PRDM16: variants seen among roughly 807,000 people sequenced by gnomAD.
The protein encoded by PRDM16 is PR/SET domain 16.
In PRDM16, 23 loss-of-function variants were observed where a neutral mutation model predicts 110.6. The ratio of observed to expected loss-of-function variants is 0.21; its 90% confidence interval spans 0.15 to 0.29. The LOEUF is 0.29. Among genes scored for constraint, PRDM16 ranks in the 10% least tolerant of loss-of-function variants. PRDM16 has a pLI of 1.00. For synonymous variants in PRDM16, 799 were observed against 781.8 expected (o/e 1.02, Z -0.37); for missense variants, 1,615 against 1,794.3 (o/e 0.90, Z 1.81).
At chr1:3,160,057 T>G (rs1462224996) in intron 1 of PRDM16, among the ~76,000 whole-genome samples, 4 of 152,234 alleles carry the variant, frequency 2.6e-5, no homozygotes, top group Non-Finnish European at 5.9e-5. Flanking sequence ...TGGGCTGAGA[T>G]TCACACACTC....
At chr1:3,114,479 GACAC>G (rs754535558) in intron 1 of PRDM16, among the ~76,000 whole-genome samples, 2 of 133,476 alleles carry the variant, frequency 1.5e-5, no homozygotes, top group African/African-American at 3.0e-5. Context: ...AGTGTAAACA[GACAC>G]GCACGCACGC....
chr1:3,365,122 C>T (rs2100566373), intron 3 of PRDM16, among the ~76,000 whole-genome samples: 1 of 152,330 alleles, frequency 6.6e-6, no homozygotes, highest in African/African-American at 2.4e-5. Context: ...CTGTGGGTTC[C>T]TTTTGGGTCT....
intron 3 of PRDM16, among the ~76,000 whole-genome samples, chr1:3,335,453 C>T (rs1332624233): frequency 1.3e-5 from 2 of 152,182 alleles, no homozygotes; most frequent in East Asian, 3.9e-4. Context: ...CGCGTTAGCA[C>T]GTCGCATGTC....
intron 3 of PRDM16, among the ~76,000 whole-genome samples, chr1:3,270,159 CGGG>C: frequency 7.3e-6 from 1 of 137,908 alleles, no homozygotes; most frequent in South Asian, 2.4e-4. Flanking sequence ...GGAGGACAGT[CGGG>C]AGAATAGTCC....
intron 1 of PRDM16, among the ~76,000 whole-genome samples, chr1:3,118,164 G>T (rs997865734): frequency 6.6e-6 from 1 of 151,874 alleles, no homozygotes; most frequent in African/African-American, 2.4e-5. Flanking sequence ...CTCATGCTGT[G>T]TGTGTTTGGA....
intron 8 of PRDM16, 70 bp from the exon 9 acceptor site, chr1:3,411,314 A>C: frequency 6.6e-7 from 1 of 1,512,748 alleles, no homozygotes. Flanking sequence ...CAGTAATTTC[A>C]TGTGGCGTTT....
chr1:3,212,376 G>A (rs1292641072), intron 2 of PRDM16, among the ~76,000 whole-genome samples: 1 of 152,118 alleles, frequency 6.6e-6, no homozygotes, highest in African/African-American at 2.4e-5. Flanking sequence ...CTGAGTGGGC[G>A]GTGGGGGCAG....
intron 1 of PRDM16, among the ~76,000 whole-genome samples, chr1:3,181,332 A>ACGGTCTT (rs1644173116): frequency 7.5e-6 from 1 of 132,690 alleles, no homozygotes; most frequent in Non-Finnish European, 1.6e-5. Flanking sequence ...AATCTTACAC[A>ACGGTCTT]AGCAGTCTTA....
intron 1 of PRDM16, among the ~76,000 whole-genome samples, chr1:3,164,371 C>G (rs1643925942): frequency 6.6e-6 from 1 of 152,214 alleles, no homozygotes; most frequent in Admixed American, 6.5e-5. Context: ...GGATGTCAGC[C>G]GTGACGTTGG....
intron 2 of PRDM16, among the ~76,000 whole-genome samples, chr1:3,204,893 C>G (rs545672072): frequency 3.9e-5 from 6 of 152,098 alleles, no homozygotes; most frequent in Admixed American, 3.3e-4. Context: ...GTGGGACCCC[C>G]GTTGGGGGGG....
chr1:3,182,129 C>A (rs1253700629), intron 1 of PRDM16, among the ~76,000 whole-genome samples: 1 of 152,260 alleles, frequency 6.6e-6, no homozygotes, highest in Non-Finnish European at 1.5e-5. Context: ...CCCAGTGGGG[C>A]CTGCAGGCCT....
intron 2 of PRDM16, among the ~76,000 whole-genome samples, chr1:3,229,895 C>G (rs1037793315): frequency 1.3e-5 from 2 of 152,196 alleles, no homozygotes; most frequent in African/African-American, 4.8e-5. Context: ...GGTCTCTGCC[C>G]TTGTTTCAGT....
At chr1:3,073,270 G>A (rs568089579) in intron 1 of PRDM16, among the ~76,000 whole-genome samples, 5 of 152,348 alleles carry the variant, frequency 3.3e-5, no homozygotes, top group African/African-American at 9.6e-5. Flanking sequence ...TCGCTGGGCC[G>A]CTGTGGGCCC....
intron 8 of PRDM16, among the ~76,000 whole-genome samples, chr1:3,406,072 A>C (rs1643556890): frequency 1.3e-5 from 2 of 152,198 alleles, no homozygotes; most frequent in African/African-American, 4.8e-5. Flanking sequence ...GCAGACACCC[A>C]CTGGGATTGT....
chr1:3,338,055 TCA>T (rs1257416868), intron 3 of PRDM16, among the ~76,000 whole-genome samples: 3 of 152,094 alleles, frequency 2.0e-5, no homozygotes, highest in South Asian at 2.1e-4. Flanking sequence ...GCACACACAT[TCA>T]CACAGACACG....
intron 3 of PRDM16, among the ~76,000 whole-genome samples, chr1:3,365,153 G>A (rs1319625023): frequency 6.6e-6 from 1 of 152,184 alleles, no homozygotes; most frequent in Non-Finnish European, 1.5e-5. Context: ...GTGGGAGTCG[G>A]GTCGCATGGC....
chr1:3,153,062 G>GCCAGCT (rs1278264300), intron 1 of PRDM16, among the ~76,000 whole-genome samples: 2 of 152,260 alleles, frequency 1.3e-5, no homozygotes, highest in Admixed American at 6.5e-5. Flanking sequence ...CCAGGCCAGA[G>GCCAGCT]CCAGCTCCAG....
intron 2 of PRDM16, among the ~76,000 whole-genome samples, chr1:3,192,260 T>C (rs1638331297): frequency 2.0e-5 from 3 of 152,328 alleles, no homozygotes; most frequent in Middle Eastern, 3.4e-3. Flanking sequence ...CTGGGCTCGG[T>C]AGCTTTTGGA....
At chr1:3,151,782 G>T (rs1429598934) in intron 1 of PRDM16, among the ~76,000 whole-genome samples, 5 of 152,208 alleles carry the variant, frequency 3.3e-5, no homozygotes, top group Non-Finnish European at 7.3e-5. Flanking sequence ...GGAGAAGAGA[G>T]CCCAACTGTG....
Sources: gnomAD v4.1 joint callset for allele counts (sites outside exome capture counted in the v4.1 genomes callset) on GRCh38, gnomAD v4.1.1 for gene constraint, MANE v1.5 for transcripts, NCBI Gene and HGNC (gene_info 2026-07-23, HGNC 2026-07-21) for gene names.